Variants in CCSER1 observed in about 807,000 individuals in gnomAD.
The protein encoded by CCSER1 is serine-rich coiled-coil domain-containing protein 1.
In CCSER1, 41 loss-of-function variants were observed where a neutral mutation model predicts 82.0. The observed-to-expected ratio is 0.50, with a 90% CI of 0.39 to 0.65. The LOEUF (loss-of-function observed/expected upper bound fraction) is 0.65, where lower values mean the gene tolerates loss of function less well. Among genes scored for constraint, CCSER1 ranks in the 30% least tolerant of loss-of-function variants. The pLI is 0.00. For missense variants in CCSER1, 1,119 were observed against 1,064.2 expected (o/e 1.05, Z -0.72); for synonymous variants, 414 against 383.9 (o/e 1.08, Z -0.92).
chr4:90,448,443 G>GAA (rs869087538), intron 4 of CCSER1, among the ~76,000 whole-genome samples: 1 of 36,134 alleles, frequency 2.8e-5, no homozygotes, highest in African/African-American at 8.9e-5. Flanking sequence ...TAGGTGAATT[G>GAA]AATATATATA....
At chr4:90,821,060 G>A (rs1024264418) in intron 8 of CCSER1, among the ~76,000 whole-genome samples, 8 of 152,104 alleles carry the variant, frequency 5.3e-5, no homozygotes, top group African/African-American at 9.7e-5. Context: ...AATAAGGGCC[G>A]CAGAGGGATC....
intron 3 of CCSER1, among the ~76,000 whole-genome samples, chr4:90,347,325 C>A (rs1742534146): frequency 6.6e-6 from 1 of 151,860 alleles, no homozygotes; most frequent in Non-Finnish European, 1.5e-5. Flanking sequence ...ATCTATCTAT[C>A]TATCTATCTA....
intron 7 of CCSER1, among the ~76,000 whole-genome samples, chr4:90,762,242 T>TC (rs1460773737): frequency 6.6e-5 from 10 of 152,110 alleles, no homozygotes; most frequent in South Asian, 4.1e-4. Flanking sequence ...AAGGGGCTTT[T>TC]CTCCCTTCTA....
At chr4:90,488,097 T>G (rs1767399998) in intron 5 of CCSER1, among the ~76,000 whole-genome samples, 1 of 152,250 alleles carries the variant, frequency 6.6e-6, no homozygotes, top group Admixed American at 6.5e-5. Flanking sequence ...TGTTCCCTGT[T>G]CCTGATTCAT....
intron 8 of CCSER1, among the ~76,000 whole-genome samples, chr4:90,904,205 G>T (rs1725101381): frequency 6.6e-6 from 1 of 152,060 alleles, no homozygotes; most frequent in Non-Finnish European, 1.5e-5. Context: ...TTTATCAAAA[G>T]ACCATGGGGA....
intron 5 of CCSER1, among the ~76,000 whole-genome samples, chr4:90,526,238 C>T (rs1773740185): frequency 6.6e-6 from 1 of 151,970 alleles, no homozygotes; most frequent in Admixed American, 6.6e-5. Context: ...ATGTGGTTTG[C>T]CAAAAATATT....
intron 5 of CCSER1, among the ~76,000 whole-genome samples, chr4:90,471,771 T>G (rs1361553508): frequency 1.3e-5 from 2 of 151,470 alleles, no homozygotes; most frequent in Non-Finnish European, 2.9e-5. Context: ...GGTCAGGAGT[T>G]TGAGACCAGC....
chr4:90,771,565 T>TAAAAAAAAAAAAAAA (rs34848155), intron 7 of CCSER1, among the ~76,000 whole-genome samples: 2 of 98,332 alleles, frequency 2.0e-5, no homozygotes, highest in Admixed American at 1.0e-4. Context: ...TGCCGGGCAC[T>TAAAAAAAAAAAAAAA]AAAAAAAAAA....
chr4:90,544,234 C>G lies in CCSER1; in HGVS notation c.1724+75880C>G, dbSNP rs560801266. Among the ~76,000 whole-genome samples, 44 of 152,146 alleles carry G rather than the reference C, an allele frequency of 2.9e-4. 1 individual carries two copies. The South Asian group carries it at 8.3e-3, about 29-fold the overall frequency. ...CCCTGTGCAAAATTAGGAAACAGTCCAGAGGATCATCCTCACATTTGAGCT... is the reference window on the plus strand; with the variant it reads ...CCCTGTGCAAAATTAGGAAACAGTCGAGAGGATCATCCTCACATTTGAGCT... On this transcript the variant is annotated intron_variant, in intron 5 of 10. Coordinates refer to ENST00000509176, the MANE Select transcript of CCSER1 (RefSeq NM_001145065.2).
chr4:90,953,573 C>T (rs1268208933), intron 9 of CCSER1, among the ~76,000 whole-genome samples: 1 of 151,290 alleles, frequency 6.6e-6, no homozygotes, highest in Admixed American at 6.6e-5. Flanking sequence ...CACCTGCATT[C>T]ATTACAATAT....
chr4:91,152,160 G>A (rs935704869), intron 10 of CCSER1, among the ~76,000 whole-genome samples: 7 of 152,142 alleles, frequency 4.6e-5, no homozygotes, highest in Admixed American at 1.3e-4. Context: ...GGGTGCTCCT[G>A]TATTAGGTTC....
chr4:91,307,028 A>G (rs1745116016), intron 10 of CCSER1, among the ~76,000 whole-genome samples: 1 of 151,884 alleles, frequency 6.6e-6, no homozygotes, highest in Admixed American at 6.6e-5. Context: ...AGGGCTAAAG[A>G]TTTTTCTTTA....
chr4:91,247,619 G>A (rs1739900165), intron 10 of CCSER1, among the ~76,000 whole-genome samples: 1 of 151,822 alleles, frequency 6.6e-6, no homozygotes, highest in Admixed American at 6.6e-5. Context: ...CTGTAATCCC[G>A]GCACTTTGGG....
At chr4:90,194,277 A>G (rs1375741638) in intron 1 of CCSER1, among the ~76,000 whole-genome samples, 1 of 152,096 alleles carries the variant, frequency 6.6e-6, no homozygotes, top group Non-Finnish European at 1.5e-5. Context: ...ACTATTGTCT[A>G]TGCCATACAG....
At chr4:90,829,341 G>A (rs1280937337) in intron 8 of CCSER1, among the ~76,000 whole-genome samples, 1 of 152,098 alleles carries the variant, frequency 6.6e-6, no homozygotes, top group Non-Finnish European at 1.5e-5. Flanking sequence ...GGTTTATAAT[G>A]TGAACAATTC....
chr4:91,014,798 A>G (rs893442945), intron 9 of CCSER1, among the ~76,000 whole-genome samples: 74 of 152,332 alleles, frequency 4.9e-4, no homozygotes, highest in African/African-American at 1.8e-3. Context: ...GTGTAAAGGC[A>G]TACTGTAATA....
chr4:90,948,482 A>G (rs1401139508), intron 9 of CCSER1, among the ~76,000 whole-genome samples: 7 of 151,812 alleles, frequency 4.6e-5, no homozygotes, highest in Non-Finnish European at 1.0e-4. Flanking sequence ...TACAACACAT[A>G]GGATGAAAAC....
rs1332332970 is a variant in CCSER1 at position 90,495,533 on chromosome 4, A to AAT, written c.1724+27180_1724+27181insTA. 1.3e-5 allele frequency among the ~76,000 whole-genome samples: 2 copies of AAT among 152,204 alleles called. 1 individual carries two copies. The highest frequency in any genetic ancestry group is 6.3e-3 in the Middle Eastern group (2 of 316). ...TGCTTGAAAAGGCAAATATATAAAT[A>AAT]ACTTCTCCAAAATAAACAGTACTCT... On this transcript the variant is annotated intron_variant, in intron 5 of 10. Transcript: ENST00000509176.
At chr4:90,940,906 T>C (rs1038879015) in intron 9 of CCSER1, among the ~76,000 whole-genome samples, 1 of 152,176 alleles carries the variant, frequency 6.6e-6, no homozygotes, top group African/African-American at 2.4e-5. Context: ...TGTTTTGTTT[T>C]CCTGATTCCA....
Sources: allele counts gnomAD v4.1 joint callset (sites outside exome capture counted in the v4.1 genomes callset), GRCh38; gene constraint gnomAD v4.1.1; transcripts MANE v1.5; gene names NCBI Gene and HGNC (gene_info 2026-07-23, HGNC 2026-07-21).